Variants in ARHGEF40 observed in about 807,000 individuals in gnomAD.
ARHGEF40 encodes the protein Rho guanine nucleotide exchange factor 40.
A neutral mutation model predicts 165.9 loss-of-function variants in ARHGEF40; 98 were observed. The ratio of observed to expected loss-of-function variants is 0.59; its 90% CI spans 0.50 to 0.70. The LOEUF is 0.70. ARHGEF40 is among the 30% of genes least tolerant of loss of function. ARHGEF40 has a pLI of 0.00. For synonymous variants in ARHGEF40, 792 were observed against 814.3 expected, an observed-to-expected ratio of 0.97 and a Z score of 0.47; for missense variants, 1,815 against 1,968.0, an observed-to-expected ratio of 0.92 and a Z score of 1.47.
rs910575788 is a variant in ARHGEF40 at position 21,089,299 on chromosome 14, C to T, written c.*291C>T. 3.1e-5 allele frequency: 5 copies of T among 162,022 alleles called. No individual in the cohort carries two copies. The highest frequency in any genetic ancestry group is 1.2e-4 in the African/African-American group (5 of 41,846). The allele number at this position is 162,022 out of a possible 1,614,324, so 10.0% of individuals were successfully genotyped here. On this transcript the variant is annotated 3_prime_UTR_variant, in exon 24 of 24. Transcript: ENST00000298694. ...GCTTTCCCATCCTGGGCCACTGTAT[C>T]CAGGACATCACTCCCATGCCAGCCC...
In ARHGEF40 at chr14:21,087,364, G is replaced by A. The variant is rs1484030369; in HGVS notation, c.4288G>A (p.Ala1430Thr). The stretch of plus-strand genomic sequence containing the variant: ...CGTGGCCGTGTCATCCTTTGAGCAT[G>A]CCGGCCCCTCCCTTCCCGGCCTTTC... ...ASVAVSSFEHAGPSLPGLSPG... is the reference protein window; with the variant it reads ...ASVAVSSFEHTGPSLPGLSPG... Residue 1430 changes from alanine to threonine, a missense_variant, in exon 21 of 24, where the codon GCC becomes ACC. Ala to Thr is a moderately conservative substitution (Grantham distance 58). Coordinates refer to ENST00000298694, the MANE Select transcript of ARHGEF40 (RefSeq NM_018071.5). 6.2e-7 allele frequency: 1 copy of A among 1,605,710 alleles called. No homozygotes were observed. Among genetic ancestry groups the A allele is most frequent in the Non-Finnish European group, 8.5e-7 (1 of 1,179,804 alleles).
At position 21,080,699 on chromosome 14, in the gene ARHGEF40, G is replaced by T; in HGVS notation, c.2413G>T (p.Ala805Ser). 6.2e-7 allele frequency: 1 copy of T among 1,612,038 alleles called. No individual in the cohort carries two copies. The highest frequency in any genetic ancestry group is 8.5e-7 in the Non-Finnish European group (1 of 1,179,296). Residue 805 changes from alanine to serine, a missense_variant, in exon 12 of 24, where the codon GCA (alanine) becomes TCA (serine). Coordinates refer to ENST00000298694, the MANE Select transcript of ARHGEF40 (RefSeq NM_018071.5). The stretch of plus-strand genomic sequence containing the variant: ...CTCGGGCCCAGGGGAGGAGCAGCTG[G>T]CAAGCTTTGCTATGCCTGGGGACAC... The part of the protein sequence containing the change: ...WLSGPGEEQL[A>S]SFAMPGDTLS...
At chr14:21,067,711 T>TC (rs1886342756), upstream of ARHGEF40, among the ~76,000 whole-genome samples, 1 of 150,774 alleles carries the variant, frequency 6.6e-6, no homozygotes, top group Non-Finnish European at 1.5e-5. Flanking sequence ...CCTTTCATAT[T>TC]CCCCCACTAA....
Position 21,081,988 on chromosome 14 carries a change from G to A in ARHGEF40, c.3120G>A (p.Leu1040=), listed in dbSNP as rs1006188563. 1.9e-6 allele frequency: 3 copies of A among 1,587,136 alleles called. No homozygotes were observed. The African/African-American group carries it at 4.0e-5, about 21-fold the overall frequency. Residue 1040 remains leucine, a synonymous_variant, in exon 14 of 24, where the codon CTG becomes CTA. Transcript: ENST00000298694. ...RPPRAVLIRG[L]EVTSTEVVDR... ...CAAGAGCTGTGCTGATCCGAGGCCT[G>A]GAGGTCACCAGCACTGAGGTGGTAG... is the stretch of plus-strand genomic sequence containing the variant.
At chr14:21,087,131 G>A (rs1566540229) in intron 20 of ARHGEF40, 26 bp downstream of exon 20, 1 of 1,601,706 alleles carries the variant, frequency 6.2e-7, no homozygotes, top group Admixed American at 1.7e-5. Flanking sequence ...CTGGGGGGTG[G>A]CCCCCAGGAG....
chr14:21,073,159 T>C lies in ARHGEF40; in HGVS notation c.118T>C (p.Tyr40His), dbSNP rs1375948001. Residue 40 changes from tyrosine to histidine, a missense_variant, in exon 2 of 24, where the codon TAT (tyrosine) becomes CAT (histidine). By Grantham distance (83) the Tyr-to-His change is moderately conservative. Transcript: ENST00000298694. The surrounding 1 kb of genome is among the most constrained non-coding windows in gnomAD (Gnocchi z 4.6). ...GQVFQVVERT[Y>H]REDALRYTLD... The stretch of plus-strand genomic sequence containing the variant: ...GGTGTTCCAGGTGGTGGAGAGGACT[T>C]ATCGGGAGGACGCACTGAGGTACAC... 6.2e-7 allele frequency: 1 copy of C among 1,614,044 alleles called. No homozygotes were observed. The highest frequency in any genetic ancestry group is 1.3e-5 in the African/African-American group (1 of 74,986).
Position 21,089,226 on chromosome 14 carries a change from T to C in ARHGEF40, c.*218T>C, listed in dbSNP as rs967575010. The C allele has an allele frequency of 1.0e-4, 24 of 240,736 alleles. No individual in the cohort carries two copies. In the Admixed American group the frequency reaches 1.3e-3, roughly 13 times the overall value. The allele number at this position is 240,736 out of a possible 1,614,324, so 14.9% of individuals were successfully genotyped here. On this transcript the variant is annotated 3_prime_UTR_variant, in exon 24 of 24. Transcript: ENST00000298694. ...TCCTGCAGGAGTCAGAGCAGCCACA[T>C]TGCTTGCCTTCATACCCTGGAGGTG...
intron 15 of ARHGEF40, 70 bp from the exon 16 acceptor site, chr14:21,082,761 G>C (rs1594573798): frequency 6.7e-7 from 1 of 1,492,148 alleles, no homozygotes; most frequent in African/African-American, 1.4e-5. Context: ...AGAGGATAGA[G>C]AGGGGGAAGA....
chr14:21,076,958 G>A, intron 8 of ARHGEF40, 68 bp downstream of exon 8: 1 of 1,360,392 alleles, frequency 7.4e-7, no homozygotes, highest in Non-Finnish European at 1.0e-6. Context: ...CATTCTAGGA[G>A]AGAGGCCATG....
Position 21,080,705 on chromosome 14 carries a change from T to C in ARHGEF40, c.2419T>C (p.Phe807Leu), listed in dbSNP as rs138875618. 2.1e-4 allele frequency: 338 copies of C among 1,612,166 alleles called. No individual in the cohort carries two copies. Among genetic ancestry groups the C allele is most frequent in the Non-Finnish European group, 2.4e-4 (286 of 1,179,324 alleles). ...CCCAGGGGAGGAGCAGCTGGCAAGC[T>C]TTGCTATGCCTGGGGACACCTTGTC... ...SGPGEEQLASFAMPGDTLSAL... is the reference protein window; with the variant it reads ...SGPGEEQLASLAMPGDTLSAL... Residue 807 changes from phenylalanine (F) to leucine (L), a missense_variant, in exon 12 of 24, where the codon TTT (phenylalanine) becomes CTT (leucine). Phe to Leu is a conservative substitution (Grantham distance 22). Coordinates refer to ENST00000298694, the MANE Select transcript of ARHGEF40 (RefSeq NM_018071.5).
rs904773646 is a variant in ARHGEF40, at chr14:21,089,445, C to T, written c.*437C>T. On this transcript the variant is annotated 3_prime_UTR_variant, in exon 24 of 24. Coordinates refer to ENST00000298694, the MANE Select transcript of ARHGEF40 (RefSeq NM_018071.5). ...TTCTGAGGTGTCACAAGCAATGAAG[C>T]TATGCAAACAATAGGAGGGTGTGAC... The T allele has an allele frequency of 3.9e-5, 6 of 153,048 alleles. No homozygotes were observed. Among genetic ancestry groups the T allele is most frequent in the East Asian group, 1.9e-4 (1 of 5,200 alleles). 9.5% of individuals were successfully genotyped at this position (153,048 alleles called of 1,614,324 possible).
intron 19 of ARHGEF40, 56 bp from the exon 20 acceptor site, chr14:21,086,945 C>A: frequency 3.0e-6 from 4 of 1,324,702 alleles, no homozygotes; most frequent in Non-Finnish European, 3.2e-6. Flanking sequence ...CCATGACATG[C>A]TAGGGCTAGA....
chr14:21,067,778 A>ACG (rs1285263053), upstream of ARHGEF40, among the ~76,000 whole-genome samples: 1 of 151,634 alleles, frequency 6.6e-6, no homozygotes, highest in Admixed American at 6.6e-5. Context: ...ACACACACAC[A>ACG]CACACACTTT....
upstream of ARHGEF40, among the ~76,000 whole-genome samples, chr14:21,066,325 G>GT (rs71416998): frequency 6.5e-3 from 920 of 142,476 alleles, 5 homozygotes; most frequent in East Asian, 0.017. Flanking sequence ...TGTTTTTTTT[G>GT]TTTTTTTTTT....
At chr14:21,078,098 G>T in intron 8 of ARHGEF40, 79 bp from the exon 9 acceptor site, 5 of 1,315,930 alleles carry the variant, frequency 3.8e-6, no homozygotes, top group Non-Finnish European at 4.1e-6. Flanking sequence ...AGTCTCTGGG[G>T]CTACCGCACC....
Position 21,090,073 on chromosome 14 carries a change from G to A in ARHGEF40, c.*1065G>A. 3.1e-6 allele frequency: 1 copy of A among 326,062 alleles called. No individual in the cohort carries two copies. The highest frequency in any genetic ancestry group is 6.3e-6 in the Non-Finnish European group (1 of 159,434). The allele number at this position is 326,062 out of a possible 1,614,324, so 20.2% of individuals were successfully genotyped here. On this transcript the variant is annotated 3_prime_UTR_variant, in exon 24 of 24. Coordinates refer to ENST00000298694, the MANE Select transcript of ARHGEF40 (RefSeq NM_018071.5). This position sits in a 1 kb window ranked among gnomAD's most constrained non-coding sequence, Gnocchi z 4.4. ...GGACATAGGTAGGCAGACAGACACA[G>A]GGCCCTGTGCCTCAAGACACCTGTT...
chr14:21,082,339 C>T lies in ARHGEF40; in HGVS notation c.3347C>T (p.Thr1116Met), dbSNP rs754393228. The T allele has an allele frequency of 5.6e-6, 9 of 1,612,668 alleles. No individual in the cohort carries two copies. The highest frequency in any genetic ancestry group is 1.3e-5 in the African/African-American group (1 of 75,062). Residue 1116 changes from threonine (T) to methionine (M), a missense_variant, in exon 15 of 24, where the codon ACG becomes ATG. Transcript: ENST00000298694. ...EPVPPPGPEL[T>M]PELRGTWAAA... ...GTGCCACCCCCTGGGCCTGAGCTGA[C>T]GCCTGAACTTCGGGGCACCTGGGCT...
chr14:21,067,061 C>G (rs372523302), upstream of ARHGEF40, among the ~76,000 whole-genome samples: 11 of 152,302 alleles, frequency 7.2e-5, no homozygotes, highest in East Asian at 1.4e-3. Flanking sequence ...CACTGCTACT[C>G]TCCCAGGGAG....
intron 19 of ARHGEF40, chr14:21,086,694 TTG>T: frequency 1.3e-5 from 4 of 297,260 alleles, no homozygotes; most frequent in African/African-American, 2.1e-5. Flanking sequence ...GGTTTGTTTT[TTG>T]TGTGTGTATG....
Sources: gnomAD v4.1 joint callset for allele counts (sites outside exome capture counted in the v4.1 genomes callset) on GRCh38, gnomAD v4.1.1 for gene constraint, Gnocchi (gnomAD v3.1) non-coding constraint, MANE v1.5 for transcripts, NCBI Gene and HGNC (gene_info 2026-07-23, HGNC 2026-07-21) for gene names.